UNC13C: variants seen among roughly 807,000 people sequenced by gnomAD.
UNC13C encodes unc-13 homolog C.
A neutral mutation model predicts 245.4 loss-of-function variants in UNC13C; 174 were observed. That is an observed-to-expected ratio of 0.71 (90% CI 0.63 to 0.80). The LOEUF (loss-of-function observed/expected upper bound fraction) is 0.80. UNC13C is among the 30% of genes least tolerant of loss of function. The probability of loss-of-function intolerance (pLI) is 0.00; values close to 1 mark genes in which losing one functional copy is unlikely to be tolerated. For missense variants in UNC13C, 2,829 were observed against 2,602.9 expected (o/e 1.09, Z -1.89); for synonymous variants, 992 against 895.1 (o/e 1.11, Z -1.93).
chr15:54,433,156 T>C (rs1205503518), intron 19 of UNC13C, among the ~76,000 whole-genome samples: 2 of 151,968 alleles, frequency 1.3e-5, no homozygotes, highest in African/African-American at 2.4e-5. Context: ...CTACCAGAGA[T>C]ACAAAGAGGA....
At chr15:54,212,196 A>G (rs2034901401) in intron 4 of UNC13C, among the ~76,000 whole-genome samples, 3 of 152,110 alleles carry the variant, frequency 2.0e-5, no homozygotes, top group Admixed American at 2.0e-4. Flanking sequence ...TGAAATAATC[A>G]CAAAATGGTA....
Position 54,542,455 on chromosome 15 carries a change from C to T in UNC13C, c.5697-4267C>T, listed in dbSNP as rs567889290. ...ATTTTAGAATAAGTGCAATGTGGTG[C>T]TGAGAAGAATGTATATTCTGTTGAT... On this transcript the variant is annotated intron_variant, in intron 26 of 32. Transcript: ENST00000260323. Among the ~76,000 whole-genome samples the T allele has an allele frequency of 3.5e-3, 532 of 152,166 alleles. 3 individuals are homozygous for T. Among genetic ancestry groups the T allele is most frequent in the Non-Finnish European group, 5.2e-3 (353 of 68,016 alleles).
intron 14 of UNC13C, among the ~76,000 whole-genome samples, chr15:54,322,690 C>T (rs2038194148): frequency 6.6e-6 from 1 of 152,040 alleles, no homozygotes; most frequent in African/African-American, 2.4e-5. Flanking sequence ...TCGTCTGTTG[C>T]ATCCATCAGT....
chr15:54,583,546 A>T (rs1421269420), intron 30 of UNC13C, among the ~76,000 whole-genome samples: 1 of 152,208 alleles, frequency 6.6e-6, no homozygotes, highest in East Asian at 1.9e-4. Flanking sequence ...ATTCCTGCTT[A>T]TTAGGGCAAA....
chr15:53,980,639 G>A (rs1168490249), intron 1 of UNC13C, among the ~76,000 whole-genome samples: 1 of 152,076 alleles, frequency 6.6e-6, no homozygotes, highest in Non-Finnish European at 1.5e-5. Flanking sequence ...ATTTGAAGGT[G>A]GATAGTAGGT....
intron 2 of UNC13C, among the ~76,000 whole-genome samples, chr15:54,141,112 A>C (rs1327187589): frequency 6.6e-6 from 1 of 152,162 alleles, no homozygotes; most frequent in Non-Finnish European, 1.5e-5. Context: ...AATATTGCAG[A>C]TTTGAAATCA....
intron 24 of UNC13C, chr15:54,512,420 T>G (rs1438934872): frequency 2.2e-6 from 1 of 455,338 alleles, no homozygotes; most frequent in East Asian, 7.0e-5. Context: ...GGCTGTTCCC[T>G]CCAACCCTCA....
At chr15:54,533,911 T>G (rs1895872827) in intron 26 of UNC13C, among the ~76,000 whole-genome samples, 1 of 152,112 alleles carries the variant, frequency 6.6e-6, no homozygotes, top group South Asian at 2.1e-4. Context: ...AAGAGAAAAG[T>G]GAATAATAAT....
chr15:54,481,679 G>T (rs1893127218), intron 19 of UNC13C, among the ~76,000 whole-genome samples: 1 of 152,096 alleles, frequency 6.6e-6, no homozygotes, highest in South Asian at 2.1e-4. Context: ...GCCTGTCTTT[G>T]GGTCCCTGGA....
At chr15:54,602,221 T>A (rs982361084) in intron 30 of UNC13C, among the ~76,000 whole-genome samples, 1 of 152,192 alleles carries the variant, frequency 6.6e-6, no homozygotes, top group Admixed American at 6.5e-5. Context: ...TAGAAGGGGA[T>A]AACTTTATTT....
the UNC13C span, among the ~76,000 whole-genome samples, chr15:53,857,097 C>T: frequency 1.3e-5 from 2 of 152,026 alleles, no homozygotes; most frequent in African/African-American, 4.8e-5. Flanking sequence ...TGCCCGGCCC[C>T]AATCTGGCTA....
Position 54,393,031 on chromosome 15 carries a change from C to T in UNC13C, c.4714-17C>T, listed in dbSNP as rs1232552762. The T allele has an allele frequency of 6.4e-6, 10 of 1,565,368 alleles. No individual in the cohort carries two copies. The highest frequency in any genetic ancestry group is 7.8e-6 in the Non-Finnish European group (9 of 1,160,268). On this transcript the variant is annotated splice_polypyrimidine_tract_variant and intron_variant, in intron 17 of 32. Transcript: ENST00000260323. ...ATTTAACCTTTTCTTTTGCATGTTG[C>T]GTGAACTTGTGAGCAGAGTAAGAAA... is the stretch of plus-strand genomic sequence containing the variant.
At chr15:54,511,029 T>C (rs1001093490) in intron 23 of UNC13C, among the ~76,000 whole-genome samples, 2 of 152,180 alleles carry the variant, frequency 1.3e-5, no homozygotes, top group African/African-American at 4.8e-5. Flanking sequence ...ATGTATTATA[T>C]GTACACCACT....
chr15:54,243,674 T>C (rs1196091009), intron 7 of UNC13C, among the ~76,000 whole-genome samples: 2 of 152,220 alleles, frequency 1.3e-5, no homozygotes, highest in Non-Finnish European at 2.9e-5. Context: ...CCATTCTGAC[T>C]GGCATGAGAA....
chr15:54,629,515 C>A (rs186155818), downstream of UNC13C: 5 of 151,928 alleles, frequency 3.3e-5, no homozygotes, highest in Non-Finnish European at 7.4e-5. Context: ...ATTGTAATGA[C>A]GAGGAAAATA....
At chr15:53,940,027 T>G in the UNC13C span, among the ~76,000 whole-genome samples, 1 of 151,782 alleles carries the variant, frequency 6.6e-6, no homozygotes, top group Admixed American at 6.6e-5. Context: ...GAGGAGGGAG[T>G]AGGTAAAGTT....
intron 30 of UNC13C, among the ~76,000 whole-genome samples, chr15:54,569,318 G>A (rs1897650320): frequency 6.6e-6 from 1 of 151,948 alleles, no homozygotes; most frequent in African/African-American, 2.4e-5. Flanking sequence ...TCAAGTCCCG[G>A]ATATAAAAAT....
At chr15:54,460,652 G>A (rs1325884880) in intron 19 of UNC13C, among the ~76,000 whole-genome samples, 1 of 152,232 alleles carries the variant, frequency 6.6e-6, no homozygotes, top group South Asian at 2.1e-4. Flanking sequence ...GAGCTCCCAA[G>A]AGTTTACGTC....
At chr15:54,164,327 G>T (rs746103516) in intron 4 of UNC13C, among the ~76,000 whole-genome samples, 29 of 152,096 alleles carry the variant, frequency 1.9e-4, no homozygotes, top group Non-Finnish European at 3.8e-4. Context: ...TAGTAGCTAT[G>T]TAGACATAAA....
Sources: allele counts gnomAD v4.1 joint callset (sites outside exome capture counted in the v4.1 genomes callset), GRCh38; gene constraint gnomAD v4.1.1; transcripts MANE v1.5; gene names NCBI Gene and HGNC (gene_info 2026-07-23, HGNC 2026-07-21).